The following TIMM21 variants were observed in gnomAD, a reference collection of about 807,000 sequenced individuals.
The protein encoded by TIMM21 is mitochondrial import inner membrane translocase subunit Tim21.
In TIMM21, 30 loss-of-function variants were observed where a neutral mutation model predicts 27.7. That is an observed-to-expected ratio of 1.08 (90% CI 0.81 to 1.47). The LOEUF is 1.47. TIMM21 is among the 40% of genes most tolerant of loss of function. TIMM21 has a pLI of 0.00. For missense variants in TIMM21, 292 were observed against 302.9 expected (o/e 0.96, Z 0.27); for synonymous variants, 121 against 114.4 (o/e 1.06, Z -0.37).
In TIMM21 at chr18:74,151,946, C is replaced by G. The variant is rs1012795903; in HGVS notation, c.301+2837C>G. ...GCAGTGGTGTCTATGTTCCCCCCCC[C>G]CCCGGGGGGACCTCCAGCTCCTTCC... On this transcript the variant is annotated intron_variant, in intron 1 of 5. Coordinates refer to ENST00000169551, the MANE Select transcript of TIMM21 (RefSeq NM_014177.3). 6.1e-4 allele frequency among the ~76,000 whole-genome samples: 86 copies of G among 140,616 alleles called. 3 individuals are homozygous for G. Among genetic ancestry groups the G allele is most frequent in the Non-Finnish European group, 1.1e-3 (72 of 66,844 alleles). 92.2% of individuals were successfully genotyped at this position (140,616 alleles called of 152,430 possible). A position where few individuals can be genotyped will look rare whatever the true frequency, so the allele number is the denominator to read the frequency against.
chr18:74,156,852 G>C (rs1257883934), intron 3 of TIMM21: 1 of 152,072 alleles, frequency 6.6e-6, no homozygotes, highest in African/African-American at 2.4e-5. Flanking sequence ...CATTTTTTAA[G>C]GGGTACCCTT....
intron 1 of TIMM21, among the ~76,000 whole-genome samples, chr18:74,153,250 A>G (rs1979860553): frequency 6.6e-6 from 1 of 152,230 alleles, no homozygotes; most frequent in Admixed American, 6.5e-5. Flanking sequence ...AAGTGTGTAG[A>G]ATATGGAGAA....
Position 74,149,116 on chromosome 18 carries a change from A to AG in TIMM21, c.301+9dup. 1 of 1,604,740 alleles carries AG rather than the reference A, an allele frequency of 6.2e-7. No individual in the cohort carries two copies. The highest frequency in any genetic ancestry group is 8.5e-7 in the Non-Finnish European group (1 of 1,173,852). On this transcript the variant is annotated splice_region_variant and intron_variant, in intron 1 of 5. Transcript: ENST00000169551. ...GTCCCAACATCACAAAAAGGTAAAA[A>AG]GGAGTACTTTAATGATTGGGCTTTC...
At chr18:74,156,552 C>T (rs560498891) in intron 3 of TIMM21, 11 of 349,402 alleles carry the variant, frequency 3.1e-5, no homozygotes, top group Middle Eastern at 7.5e-4. Context: ...AAGGAAGGTT[C>T]GTTCCCATAA....
chr18:74,152,314 C>T lies in TIMM21; in HGVS notation c.302-2831C>T, dbSNP rs953392235. ...AATGCCAAACTCCCTGAATCCCTTC[C>T]GCCCCAGACCTCACCCACGCATTTT... is the stretch of plus-strand genomic sequence containing the variant. On this transcript the variant is annotated intron_variant, in intron 1 of 5. Coordinates refer to ENST00000169551, the MANE Select transcript of TIMM21 (RefSeq NM_014177.3). This position sits in a 1 kb window ranked among gnomAD's most constrained non-coding sequence, Gnocchi z 4.1. Among the ~76,000 whole-genome samples the T allele has an allele frequency of 1.2e-4, 19 of 152,118 alleles. No homozygotes were observed. Among genetic ancestry groups the T allele is most frequent in the South Asian group, 4.1e-4 (2 of 4,834 alleles).
In TIMM21 at chr18:74,152,663, G is replaced by A. The variant is rs779427880; in HGVS notation, c.302-2482G>A. On this transcript the variant is annotated intron_variant, in intron 1 of 5. Transcript: ENST00000169551. This position sits in a 1 kb window ranked among gnomAD's most constrained non-coding sequence, Gnocchi z 4.1. ...GACAGGGTCCTCATTGCCAGCCAGT[G>A]GCCGGCAAGCCAGCTCCAAAATCCA... Among the ~76,000 whole-genome samples the A allele has an allele frequency of 2.6e-5, 4 of 152,226 alleles. No individual in the cohort carries two copies. Among genetic ancestry groups the A allele is most frequent in the Non-Finnish European group, 4.4e-5 (3 of 68,040 alleles).
At chr18:74,157,007 C>A (rs1979968857) in intron 3 of TIMM21, 1 of 152,076 alleles carries the variant, frequency 6.6e-6, no homozygotes. Context: ...TTCTTTTTAT[C>A]CTGGAAAATG....
Position 74,152,527 on chromosome 18 carries a change from C to T in TIMM21, c.302-2618C>T, listed in dbSNP as rs1979838154. Among the ~76,000 whole-genome samples, 1 of 152,184 alleles carries T rather than the reference C, an allele frequency of 6.6e-6. No homozygotes were observed. Among genetic ancestry groups the T allele is most frequent in the South Asian group, 2.1e-4 (1 of 4,834 alleles). On this transcript the variant is annotated intron_variant, in intron 1 of 5. Coordinates refer to ENST00000169551, the MANE Select transcript of TIMM21 (RefSeq NM_014177.3). This position sits in a 1 kb window ranked among gnomAD's most constrained non-coding sequence, Gnocchi z 4.1. ...CTAAACTCCCAGAATAACACATCAG[C>T]CAGTACATTCCCTTCCGCCAGCATT...
rs1237215312 is a variant in TIMM21 at position 74,160,330 on chromosome 18, A to G, written c.*1850A>G. 6.6e-6 allele frequency: 1 copy of G among 151,712 alleles called. No individual in the cohort carries two copies. The highest frequency in any genetic ancestry group is 1.9e-4 in the East Asian group (1 of 5,182). 9.4% of individuals were successfully genotyped at this position (151,712 alleles called of 1,614,324 possible). A position where few individuals can be genotyped will look rare whatever the true frequency, so the allele number is the denominator to read the frequency against. Reference sequence around the variant, plus strand: ...TGTGACTTCGTCTCAAAAAAAAAAAACAAAAAACAGATCTGAGCTTTTATA... The same window carrying G: ...TGTGACTTCGTCTCAAAAAAAAAAAGCAAAAAACAGATCTGAGCTTTTATA... On this transcript the variant is annotated 3_prime_UTR_variant, in exon 6 of 6. Transcript: ENST00000169551.
intron 4 of TIMM21, 31 bp downstream of exon 4, chr18:74,158,118 G>A (rs931487575): frequency 1.1e-5 from 18 of 1,614,028 alleles, no homozygotes; most frequent in Non-Finnish European, 1.2e-5. Context: ...AGGAGGCTCT[G>A]GGGAGATTTT....
intron 3 of TIMM21, chr18:74,157,750 C>T: frequency 2.4e-6 from 1 of 415,474 alleles, no homozygotes; most frequent in Non-Finnish European, 4.4e-6. Flanking sequence ...TGCGCATCAC[C>T]ATGCCCAGCT....
chr18:74,158,758 C>T lies in TIMM21; in HGVS notation c.*278C>T, dbSNP rs969561593. ...GAAATGTTTGTTATTGGAAATGTTACACCATGTAAATAAAGGAAATAGATT... is the reference window on the plus strand; with the variant it reads ...GAAATGTTTGTTATTGGAAATGTTATACCATGTAAATAAAGGAAATAGATT... On this transcript the variant is annotated 3_prime_UTR_variant, in exon 6 of 6. Coordinates refer to ENST00000169551, the MANE Select transcript of TIMM21 (RefSeq NM_014177.3). The T allele has an allele frequency of 1.5e-5, 5 of 323,016 alleles. No individual in the cohort carries two copies. The highest frequency in any genetic ancestry group is 2.3e-5 in the Non-Finnish European group (4 of 175,028). 20.0% of individuals were successfully genotyped at this position (323,016 alleles called of 1,614,324 possible). A position where few individuals can be genotyped will look rare whatever the true frequency, so the allele number is the denominator to read the frequency against.
At position 74,158,518 on chromosome 18, in the gene TIMM21, G is replaced by A. The variant is rs751600647; in HGVS notation, c.*38G>A. ...GATGGATGTTGAATGGCGTGGACTCGCTACTCCGTTCTTCACAGCTGCCTT... is the reference window on the plus strand; with the variant it reads ...GATGGATGTTGAATGGCGTGGACTCACTACTCCGTTCTTCACAGCTGCCTT... On this transcript the variant is annotated 3_prime_UTR_variant, in exon 6 of 6. Coordinates refer to ENST00000169551, the MANE Select transcript of TIMM21 (RefSeq NM_014177.3). The A allele has an allele frequency of 1.9e-5, 25 of 1,282,970 alleles. No homozygotes were observed. Among genetic ancestry groups the A allele is most frequent in the Middle Eastern group, 2.6e-4 (1 of 3,888 alleles). 79.5% of individuals were successfully genotyped at this position (1,282,970 alleles called of 1,614,324 possible). A position where few individuals can be genotyped will look rare whatever the true frequency, so the allele number is the denominator to read the frequency against.
At position 74,155,218 on chromosome 18, in the gene TIMM21, A is replaced by T. The variant is rs371261111; in HGVS notation, c.364+11A>T. ...GAATCAGCATTACAGGTTGCAAAAA[A>T]CAGCAAGTATAAGCCCTTGAATATT... On this transcript the variant is annotated intron_variant, in intron 2 of 5. Transcript: ENST00000169551. 3 of 1,614,216 alleles carry T rather than the reference A, an allele frequency of 1.9e-6. No homozygotes were observed. Among genetic ancestry groups the T allele is most frequent in the Non-Finnish European group, 2.5e-6 (3 of 1,180,026 alleles).
At chr18:74,149,240 A>C in intron 1 of TIMM21, 131 bp downstream of exon 1, 1 of 1,002,628 alleles carries the variant, frequency 1.0e-6, no homozygotes, top group East Asian at 2.6e-5. Context: ...GTTTAAACAT[A>C]ATTTAGAACT....
At chr18:74,149,221 T>G in intron 1 of TIMM21, 112 bp downstream of exon 1, 1 of 1,231,366 alleles carries the variant, frequency 8.1e-7, no homozygotes. Context: ...ACATGAATTT[T>G]TAAAAACCGT....
At chr18:74,149,293 G>C (rs1979718882) in intron 1 of TIMM21, among the ~76,000 whole-genome samples, 184 bp downstream of exon 1, 1 of 152,192 alleles carries the variant, frequency 6.6e-6, no homozygotes, top group Non-Finnish European at 1.5e-5. Flanking sequence ...TTGGAACTCA[G>C]ATGTGAAAGT....
At chr18:74,157,785 CGG>C in intron 3 of TIMM21, 1 of 518,316 alleles carries the variant, frequency 1.9e-6, no homozygotes, top group East Asian at 3.2e-5. Flanking sequence ...TTAGTAGAGA[CGG>C]GGTTTCACCT....
intron 1 of TIMM21, 67 bp from the exon 2 acceptor site, chr18:74,155,078 A>G: frequency 1.3e-6 from 2 of 1,518,680 alleles, no homozygotes; most frequent in Non-Finnish European, 1.8e-6. Context: ...AAGAAGTGCA[A>G]AAGCAGCAGA....
Sources: gnomAD v4.1 joint callset for allele counts (sites outside exome capture counted in the v4.1 genomes callset) on GRCh38, gnomAD v4.1.1 for gene constraint, Gnocchi (gnomAD v3.1) non-coding constraint, MANE v1.5 for transcripts, NCBI Gene and HGNC (gene_info 2026-07-23, HGNC 2026-07-21) for gene names.